PACS1: variants seen among roughly 807,000 people sequenced by gnomAD.
The protein encoded by PACS1 is phosphofurin acidic cluster sorting protein 1.
Under a neutral mutation model 115.0 loss-of-function variants are expected in PACS1, and 24 were observed. That is an observed-to-expected ratio of 0.21 (90% CI 0.15 to 0.29). PACS1 has a LOEUF of 0.29. Among genes scored for constraint, PACS1 ranks in the 10% least tolerant of loss-of-function variants. PACS1 has a pLI of 1.00. For synonymous variants in PACS1, 453 were observed against 504.5 expected (o/e 0.90, Z 1.37); for missense variants, 838 against 1,251.2 (o/e 0.67, Z 4.98).
At chr11:66,158,188 C>T (rs561152565) in intron 1 of PACS1, among the ~76,000 whole-genome samples, 4 of 152,202 alleles carry the variant, frequency 2.6e-5, no homozygotes, top group Non-Finnish European at 5.9e-5. Context: ...AGACTAGTCT[C>T]GAGCTCCTGA....
chr11:66,100,631 A>G, intron 1 of PACS1: 2 of 350,454 alleles, frequency 5.7e-6, no homozygotes, highest in Non-Finnish European at 5.7e-6. Context: ...GGGAAGAACT[A>G]TTTTGCATAC....
intron 1 of PACS1, among the ~76,000 whole-genome samples, chr11:66,183,934 A>G (rs1433224626): frequency 6.6e-6 from 1 of 152,216 alleles, no homozygotes; most frequent in African/African-American, 2.4e-5. Context: ...ATGGTAAACT[A>G]ACATACACCA....
rs373179128 is a variant in PACS1, at chr11:66,216,101, A to G, written c.661-18A>G. Reference sequence around the variant, plus strand: ...GCCTCTGTAGTAACACGCCTCCACCACCTCCCCTGGCTCCTAGGTGATGCA... The same window carrying G: ...GCCTCTGTAGTAACACGCCTCCACCGCCTCCCCTGGCTCCTAGGTGATGCA... On this transcript the variant is annotated intron_variant, in intron 4 of 23. Transcript: ENST00000320580. 318 of 1,612,486 alleles carry G rather than the reference A, an allele frequency of 2.0e-4. No homozygotes were observed. The highest frequency in any genetic ancestry group is 2.6e-4 in the Non-Finnish European group (306 of 1,179,532).
At chr11:66,174,652 C>T (rs1460839632) in intron 1 of PACS1, among the ~76,000 whole-genome samples, 12 of 152,092 alleles carry the variant, frequency 7.9e-5, no homozygotes, top group Non-Finnish European at 1.8e-4. Flanking sequence ...GTTGTATTGT[C>T]CCTTTTGTAT....
At chr11:66,185,637 C>T (rs1045210675) in intron 1 of PACS1, among the ~76,000 whole-genome samples, 1 of 152,118 alleles carries the variant, frequency 6.6e-6, no homozygotes, top group Admixed American at 6.5e-5. Context: ...TGACTTCCAG[C>T]GCACTGTAGC....
At chr11:66,201,674 T>C (rs1789146) in intron 2 of PACS1, among the ~76,000 whole-genome samples, 14 of 151,100 alleles carry the variant, frequency 9.3e-5, no homozygotes, top group South Asian at 4.2e-4. Context: ...TTTTTTTTTT[T>C]CTGAGACGGA....
intron 1 of PACS1, among the ~76,000 whole-genome samples, chr11:66,136,076 C>G (rs891044165): frequency 3.3e-5 from 5 of 152,216 alleles, no homozygotes; most frequent in African/African-American, 1.2e-4. Flanking sequence ...TGACTTTTAG[C>G]TCATAATTGG....
In PACS1 at chr11:66,233,993, T is replaced by A; in HGVS notation, c.1993+54T>A. 6.4e-7 allele frequency: 1 copy of A among 1,568,588 alleles called. No individual in the cohort carries two copies. The highest frequency in any genetic ancestry group is 8.7e-7 in the Non-Finnish European group (1 of 1,152,442). On this transcript the variant is annotated intron_variant, in intron 16 of 23. Transcript: ENST00000320580. This position sits in a 1 kb window ranked among gnomAD's most constrained non-coding sequence, Gnocchi z 4.5. ...CGGGCATGAGGGTTCCATAGACAGATGCCTCATCTGGAACAGGACGGTGGG... is the reference window on the plus strand; with the variant it reads ...CGGGCATGAGGGTTCCATAGACAGAAGCCTCATCTGGAACAGGACGGTGGG...
At chr11:66,142,597 T>TTATCAGCCTGGCTTATCA (rs1337319741) in intron 1 of PACS1, among the ~76,000 whole-genome samples, 12 of 146,238 alleles carry the variant, frequency 8.2e-5, no homozygotes, top group Non-Finnish European at 1.8e-4. Context: ...CGTGAGGCAC[T>TTATCAGCCTGGCTTATCA]GCGTCTGGCT....
chr11:66,095,580 C>T (rs568265659), intron 1 of PACS1, among the ~76,000 whole-genome samples: 17 of 152,266 alleles, frequency 1.1e-4, no homozygotes, highest in Non-Finnish European at 2.2e-4. Context: ...GCCTCAGCCT[C>T]CTGAACAGCA....
At chr11:66,186,940 C>T (rs1301159979) in intron 1 of PACS1, among the ~76,000 whole-genome samples, 1 of 152,196 alleles carries the variant, frequency 6.6e-6, no homozygotes, top group East Asian at 1.9e-4. Flanking sequence ...GTACTGGCAT[C>T]ACCACATGTT....
intron 1 of PACS1, among the ~76,000 whole-genome samples, chr11:66,097,672 C>T (rs938656957): frequency 1.3e-5 from 2 of 152,200 alleles, no homozygotes; most frequent in African/African-American, 4.8e-5. Flanking sequence ...TATTATGCTA[C>T]AGTGGATAAC....
In PACS1 at chr11:66,216,988, A is replaced by C; in HGVS notation, c.978+213A>C. On this transcript the variant is annotated intron_variant, in intron 7 of 23. Transcript: ENST00000320580. ...TACTGATAAGAGTGTTATATCCTTC[A>C]GGTTATCGTCAGATAGAAAAAAGGA... The C allele has an allele frequency of 3.6e-6, 2 of 551,784 alleles. 1 individual carries two copies. The highest frequency in any genetic ancestry group is 6.5e-5 in the East Asian group (2 of 30,684). The allele number at this position is 551,784 out of a possible 1,614,324, so 34.2% of individuals were successfully genotyped here.
intron 4 of PACS1, among the ~76,000 whole-genome samples, chr11:66,212,772 G>T (rs1220967284): frequency 6.6e-6 from 1 of 152,104 alleles, no homozygotes; most frequent in African/African-American, 2.4e-5. Flanking sequence ...GCCTGAATTG[G>T]TCATCACTAT....
chr11:66,174,154 A>G lies in PACS1; in HGVS notation c.357-19332A>G, dbSNP rs1443408465. ...AAATCATTAGTCGCTTGAGAAAGGC[A>G]AATTAGTCACGAGGGAAATCCAAAT... is the stretch of plus-strand genomic sequence containing the variant. On this transcript the variant is annotated intron_variant, in intron 1 of 23. Transcript: ENST00000320580. Among the ~76,000 whole-genome samples the G allele has an allele frequency of 2.0e-5, 3 of 152,262 alleles. No homozygotes were observed. In the East Asian group the frequency reaches 5.8e-4, roughly 29 times the overall value.
intron 1 of PACS1, among the ~76,000 whole-genome samples, chr11:66,097,531 A>T (rs1457943853): frequency 1.3e-5 from 2 of 152,222 alleles, no homozygotes; most frequent in African/African-American, 4.8e-5. Context: ...AGATGAGACC[A>T]TAGTCTCAGC....
chr11:66,156,204 T>TTTTATA (rs1273222877), intron 1 of PACS1, among the ~76,000 whole-genome samples: 2 of 85,062 alleles, frequency 2.4e-5, no homozygotes, highest in African/African-American at 8.4e-5. Context: ...ATTTTTTAAA[T>TTTTATA]TATATATATA....
chr11:66,109,216 G>A (rs1436957038), intron 1 of PACS1, among the ~76,000 whole-genome samples: 1 of 152,162 alleles, frequency 6.6e-6, no homozygotes, highest in African/African-American at 2.4e-5. Flanking sequence ...TTTCAGAGAA[G>A]GGTGGTGAGT....
chr11:66,097,457 A>G (rs1238873540), intron 1 of PACS1, among the ~76,000 whole-genome samples: 2 of 152,140 alleles, frequency 1.3e-5, no homozygotes, highest in Admixed American at 1.3e-4. Flanking sequence ...AGCAGCCCAC[A>G]AGGAATTGAG....
Sources: allele counts gnomAD v4.1 joint callset (sites outside exome capture counted in the v4.1 genomes callset), GRCh38; gene constraint gnomAD v4.1.1; non-coding constraint Gnocchi (gnomAD v3.1); transcripts MANE v1.5; gene names NCBI Gene and HGNC (gene_info 2026-07-23, HGNC 2026-07-21).